The following MYH8 variants were observed in gnomAD, a reference collection of about 807,000 sequenced individuals.
MYH8 encodes myosin-8.
A neutral mutation model predicts 233.2 loss-of-function variants in MYH8; 168 were observed. The observed-to-expected ratio is 0.72, with a 90% CI of 0.64 to 0.82. The LOEUF is 0.82. Ranked by LOEUF, MYH8 falls within the 40% of genes least tolerant of loss-of-function variation. The pLI is 0.00. For missense variants in MYH8, 1,995 were observed against 2,327.8 expected (o/e 0.86, Z 2.94); for synonymous variants, 785 against 850.6 (o/e 0.92, Z 1.34).
In MYH8 at chr17:10,406,304, A is replaced by G. The variant is rs147970826; in HGVS notation, c.2265T>C (p.Asp755=). ...TATGTCCAAATTTATATTGAGTATGATCAATATCAATAGATGCAAGAAGTT... is the reference window on the plus strand; with the variant it reads ...TATGTCCAAATTTATATTGAGTATGGTCAATATCAATAGATGCAAGAAGTT... The part of the protein sequence containing the change: ...SEKLLASIDI[D]HTQYKFGHTK... Residue 755 remains aspartate (D), a synonymous_variant, in exon 20 of 40, where the codon GAT becomes GAC. Transcript: ENST00000403437. The G allele has an allele frequency of 5.0e-6, 8 of 1,613,278 alleles. No homozygotes were observed. The African/African-American group carries it at 9.3e-5, about 19-fold the overall frequency.
intron 9 of MYH8, among the ~76,000 whole-genome samples, chr17:10,414,794 A>G (rs2072274962): frequency 6.6e-6 from 1 of 152,166 alleles, no homozygotes; most frequent in Admixed American, 6.5e-5. Context: ...TACCTTGGAA[A>G]CATCTACCAA....
intron 12 of MYH8, 121 bp downstream of exon 12, chr17:10,413,781 T>TA: frequency 1.4e-6 from 2 of 1,400,412 alleles, no homozygotes; most frequent in Admixed American, 3.4e-5. Flanking sequence ...GCAGTGTGTG[T>TA]AAATGTGTAT....
chr17:10,420,403 T>C, intron 2 of MYH8, 146 bp from the exon 3 acceptor site: 1 of 745,388 alleles, frequency 1.3e-6, no homozygotes, highest in Non-Finnish European at 2.3e-6. Context: ...TAACATAGTC[T>C]AAAGGACAAG....
In MYH8 at chr17:10,409,078, A is replaced by G. The variant is rs374425425; in HGVS notation, c.1965+19T>C. ...TCATAGAAACTGAGTAGATATTTCA[A>G]ATTAAATTTGTACTTTACCCTGAAA... On this transcript the variant is annotated intron_variant, in intron 17 of 39. Transcript: ENST00000403437. 112 of 1,607,864 alleles carry G rather than the reference A, an allele frequency of 7.0e-5. No homozygotes were observed. In the South Asian group the frequency reaches 1.1e-3, roughly 15 times the overall value.
chr17:10,390,384 A>T lies in MYH8; in HGVS notation c.*70T>A. 6.3e-7 allele frequency: 1 copy of T among 1,581,644 alleles called. No individual in the cohort carries two copies. Among genetic ancestry groups the T allele is most frequent in the Non-Finnish European group, 8.7e-7 (1 of 1,152,258 alleles). The stretch of plus-strand genomic sequence containing the variant: ...GCTTTAACAGGAAAATAAACGTCAT[A>T]AAGCAAGTGACCAAAAATAGCACAT... On this transcript the variant is annotated 3_prime_UTR_variant, in exon 40 of 40. Coordinates refer to ENST00000403437, the MANE Select transcript of MYH8 (RefSeq NM_002472.3).
intron 22 of MYH8, 35 bp downstream of exon 22, chr17:10,404,295 A>G: frequency 6.2e-7 from 1 of 1,613,546 alleles, no homozygotes; most frequent in Non-Finnish European, 8.5e-7. Context: ...AAAAAGCTTC[A>G]GTAACATGGT....
chr17:10,414,454 T>G lies in MYH8; in HGVS notation c.836A>C (p.Gln279Pro), dbSNP rs1389407671. 1 of 1,612,932 alleles carries G rather than the reference T, an allele frequency of 6.2e-7. No homozygotes were observed. The highest frequency in any genetic ancestry group is 8.5e-7 in the Non-Finnish European group (1 of 1,179,100). The change falls in exon 10 of 40, where the codon CAG becomes CCG. Residue 279 changes from glutamine to proline, a missense_variant. Physicochemically the swap from Gln to Pro is moderately conservative, Grantham distance 76 (BLOSUM62 -1). Coordinates refer to ENST00000403437, the MANE Select transcript of MYH8 (RefSeq NM_002472.3). ...YLLEKSRVTF[Q>P]LKAERSYHIF... ...ATGGTAGCTTCTTTCCGCCTTTAGC[T>G]GGAAAGTAACTCTGGACTTTTCTAA... is the stretch of plus-strand genomic sequence containing the variant.
In MYH8 at chr17:10,417,171, G is replaced by T. The variant is rs974884469; in HGVS notation, c.512-1463C>A. Among the ~76,000 whole-genome samples, 5 of 152,128 alleles carry T rather than the reference G, an allele frequency of 3.3e-5. No homozygotes were observed. Among genetic ancestry groups the T allele is most frequent in the Non-Finnish European group, 5.9e-5 (4 of 68,022 alleles). On this transcript the variant is annotated intron_variant, in intron 5 of 39. Coordinates refer to ENST00000403437, the MANE Select transcript of MYH8 (RefSeq NM_002472.3). The surrounding 1 kb of genome is among the most constrained non-coding windows in gnomAD (Gnocchi z 4.1). The stretch of plus-strand genomic sequence containing the variant: ...GCATTTCTAAATAATAAAAACAAAT[G>T]TCACTAATTATGTGACTGATATGTT...
At position 10,401,183 on chromosome 17, in the gene MYH8, C is replaced by T. The variant is rs3744553; in HGVS notation, c.3117G>A (p.Gly1039=). 94,504 of 1,613,636 alleles carry T rather than the reference C, an allele frequency of 0.059. 3,202 individuals carry two copies. The highest frequency in any genetic ancestry group is 0.11 in the South Asian group (10,263 of 90,864). The change falls in exon 25 of 40, where the codon GGG becomes GGA. Residue 1039 remains glycine, a synonymous_variant. Coordinates refer to ENST00000403437, the MANE Select transcript of MYH8 (RefSeq NM_002472.3). ...KLEQQVDDLE[G]SLEQEKKLRM... ...GAAGCTTCTTTTCTTGTTCCAGAGA[C>T]CCTTCAAGCTAATAAGAAAGTAAAT...
rs996602123 is a variant in MYH8, at chr17:10,400,196, C to G, written c.3735+194G>C. Among the ~76,000 whole-genome samples the G allele has an allele frequency of 6.6e-6, 1 of 152,082 alleles. No individual in the cohort carries two copies. Among genetic ancestry groups the G allele is most frequent in the Non-Finnish European group, 1.5e-5 (1 of 68,026 alleles). On this transcript the variant is annotated intron_variant, in intron 27 of 39. Transcript: ENST00000403437. This position sits in a 1 kb window ranked among gnomAD's most constrained non-coding sequence, Gnocchi z 4.0. Reference sequence around the variant, plus strand: ...TCAGCCTGGGCGACAGAGTGAGACTCCATCCCCCCGCTCCAAAAAAAAATC... The same window carrying G: ...TCAGCCTGGGCGACAGAGTGAGACTGCATCCCCCCGCTCCAAAAAAAAATC...
Position 10,406,752 on chromosome 17 carries a change from T to C in MYH8, c.2109A>G (p.Glu703=). ...LHQLRCNGVL[E]GIRICRKGFP... Reference sequence around the variant, plus strand: ...ATCCTTTCCTACAGATGCGGATGCCTTCCAGCACACCATTACACCTCAGCT... The same window carrying C: ...ATCCTTTCCTACAGATGCGGATGCCCTCCAGCACACCATTACACCTCAGCT... The change falls in exon 19 of 40, where the codon GAA becomes GAG. Residue 703 remains glutamate (E), a synonymous_variant. Transcript: ENST00000403437. 2 of 1,614,200 alleles carry C rather than the reference T, an allele frequency of 1.2e-6. No individual in the cohort carries two copies. The highest frequency in any genetic ancestry group is 1.7e-6 in the Non-Finnish European group (2 of 1,180,026).
chr17:10,390,410 T>A lies in MYH8; in HGVS notation c.*44A>T. 1.2e-6 allele frequency: 2 copies of A among 1,611,532 alleles called. No homozygotes were observed. Among genetic ancestry groups the A allele is most frequent in the South Asian group, 2.2e-5 (2 of 90,978 alleles). The stretch of plus-strand genomic sequence containing the variant: ...AAGCAAGTGACCAAAAATAGCACAT[T>A]TTGTGCCTTTCTTCAGCCTCTTGAT... On this transcript the variant is annotated 3_prime_UTR_variant, in exon 40 of 40. Transcript: ENST00000403437.
rs2072081547 is a variant in MYH8 at position 10,396,674 on chromosome 17, T to A, written c.4407A>T (p.Glu1469Asp). 1.5e-5 allele frequency: 24 copies of A among 1,614,228 alleles called. No homozygotes were observed. Among genetic ancestry groups the A allele is most frequent in the Non-Finnish European group, 2.0e-5 (24 of 1,180,044 alleles). Residue 1469 changes from glutamate to aspartate, a missense_variant, in exon 32 of 40, where the codon GAA (glutamate) becomes GAT (aspartate). This residue lies in a region of MYH8 where 1,498 missense variants were observed against 1,680.9 expected (regional missense o/e 0.89). Transcript: ENST00000403437. This position sits in a 1 kb window ranked among gnomAD's most constrained non-coding sequence, Gnocchi z 4.2. ...WKQKYEETQA[E>D]LEASQKESRS... The stretch of plus-strand genomic sequence containing the variant: ...GTGACTCCTTCTGGGAGGCCTCAAG[T>A]TCAGCCTGAGTTTCCTCATACTTCT...
rs1567689246 is a variant in MYH8 at position 10,414,410 on chromosome 17, A to G, written c.880T>C (p.Ser294Pro). 1 of 1,612,828 alleles carries G rather than the reference A, an allele frequency of 6.2e-7. No individual in the cohort carries two copies. The highest frequency in any genetic ancestry group is 1.7e-5 in the Admixed American group (1 of 60,028). ...RSYHIFYQIT[S>P]NKKPDLIEML... Reference sequence around the variant, plus strand: ...CCAATTAGATCTGGCTTCTTATTGGAAGTGATCTGATAAAAAATATGGTAG... The same window carrying G: ...CCAATTAGATCTGGCTTCTTATTGGGAGTGATCTGATAAAAAATATGGTAG... The change falls in exon 10 of 40, where the codon TCC (serine) becomes CCC (proline). Residue 294 changes from serine (S) to proline (P), a missense_variant. Ser to Pro is a moderately conservative substitution (Grantham distance 74). Coordinates refer to ENST00000403437, the MANE Select transcript of MYH8 (RefSeq NM_002472.3).
chr17:10,418,570 G>A, intron 5 of MYH8, 75 bp downstream of exon 5: 1 of 1,610,874 alleles, frequency 6.2e-7, no homozygotes, highest in Non-Finnish European at 8.5e-7. Flanking sequence ...AACATAAAGA[G>A]GCTCGGAAGA....
At chr17:10,404,962 A>C (rs1271726454) in intron 21 of MYH8, among the ~76,000 whole-genome samples, 1 of 152,150 alleles carries the variant, frequency 6.6e-6, no homozygotes, top group East Asian at 1.9e-4. Context: ...GAGGGTGGGC[A>C]TGGTGATTGC....
rs751871946 is a variant in MYH8, at chr17:10,400,893, TA to T, written c.3320del (p.Leu1107HisfsTer60). On this transcript the variant is annotated frameshift_variant, in exon 26 of 40. Coordinates refer to ENST00000403437, the MANE Select transcript of MYH8 (RefSeq NM_002472.3). LOFTEE classifies it high-confidence loss of function. This position sits in a 1 kb window ranked among gnomAD's most constrained non-coding sequence, Gnocchi z 4.0. ...CCTGCAACTCTTTGATCTTCTTCTGTAGTTGAATTTCTACAGCTTGCTCATC... is the reference window on the plus strand; with the variant it reads ...CCTGCAACTCTTTGATCTTCTTCTGTGTTGAATTTCTACAGCTTGCTCATC... ...IEDEQAVEIQ[L>X]QKKIKELQAR... The T allele has an allele frequency of 4.1e-4, 656 of 1,613,770 alleles. No individual in the cohort carries two copies. Among genetic ancestry groups the T allele is most frequent in the Non-Finnish European group, 5.4e-4 (637 of 1,180,038 alleles).
At position 10,391,799 on chromosome 17, in the gene MYH8, C is replaced by T. The variant is rs2142165931; in HGVS notation, c.5664+83G>A. The T allele has an allele frequency of 3.3e-5, 34 of 1,037,372 alleles. No homozygotes were observed. The South Asian group carries it at 4.3e-4, about 13-fold the overall frequency. 64.3% of individuals were successfully genotyped at this position (1,037,372 alleles called of 1,614,324 possible). On this transcript the variant is annotated intron_variant, in intron 39 of 39. Transcript: ENST00000403437. Reference sequence around the variant, plus strand: ...GAGTGGTAGATTTTCACTTTGTCTTCTTCCTTATTGACGCATTCTCTTAAA... The same window carrying T: ...GAGTGGTAGATTTTCACTTTGTCTTTTTCCTTATTGACGCATTCTCTTAAA...
Position 10,406,101 on chromosome 17 carries a change from G to A in MYH8, c.2372C>T (p.Thr791Ile). ...DEKLAQIITRTQAVCRGFLMR... is the reference protein window; with the variant it reads ...DEKLAQIITRIQAVCRGFLMR... The stretch of plus-strand genomic sequence containing the variant: ...TAGGAATCCCCTACAGACAGCTTGT[G>A]TTCTTGTTATAATTTGGGCTAATTT... Residue 791 changes from threonine to isoleucine, a missense_variant, in exon 21 of 40, where the codon ACA becomes ATA. Physicochemically the swap from Thr to Ile is moderately conservative, Grantham distance 89 (BLOSUM62 -1). This residue lies in a region of MYH8 where 1,498 missense variants were observed against 1,680.9 expected (regional missense o/e 0.89). Coordinates refer to ENST00000403437, the MANE Select transcript of MYH8 (RefSeq NM_002472.3). The A allele has an allele frequency of 1.2e-6, 2 of 1,614,036 alleles. No individual in the cohort carries two copies. The highest frequency in any genetic ancestry group is 1.1e-5 in the South Asian group (1 of 91,074).
Sources: allele counts gnomAD v4.1 joint callset (sites outside exome capture counted in the v4.1 genomes callset), GRCh38; gene constraint gnomAD v4.1.1; regional missense constraint gnomAD v4.1.1; non-coding constraint Gnocchi (gnomAD v3.1); transcripts MANE v1.5; gene names NCBI Gene and HGNC (gene_info 2026-07-23, HGNC 2026-07-21).